Variants in FAM135A observed in about 807,000 individuals in gnomAD.
The protein encoded by FAM135A is family with sequence similarity 135 member A, also known as protein FAM135A.
In FAM135A, 79 loss-of-function variants were observed where a neutral mutation model predicts 146.8. The observed-to-expected ratio is 0.54, with a 90% CI of 0.45 to 0.65. FAM135A has a LOEUF of 0.65. Among genes scored for constraint, FAM135A ranks in the 30% least tolerant of loss-of-function variants. The pLI is 0.00. For synonymous variants in FAM135A, 562 were observed against 603.6 expected (o/e 0.93, Z 1.01); for missense variants, 1,623 against 1,758.2 (o/e 0.92, Z 1.38).
At chr6:70,522,457 C>A in intron 12 of FAM135A, 56 bp from the exon 13 acceptor site, 1 of 1,494,522 alleles carries the variant, frequency 6.7e-7, no homozygotes, top group Middle Eastern at 1.7e-4. Context: ...CATAAGATGC[C>A]GGATTGACTT....
intron 5 of FAM135A, among the ~76,000 whole-genome samples, chr6:70,470,653 A>C (rs1279304820): frequency 2.0e-5 from 3 of 152,200 alleles, no homozygotes; most frequent in African/African-American, 7.2e-5. Flanking sequence ...CACTGCACCC[A>C]GTCCCTACTA....
intron 4 of FAM135A, among the ~76,000 whole-genome samples, chr6:70,446,464 A>G (rs1178196480): frequency 2.0e-5 from 3 of 152,166 alleles, no homozygotes; most frequent in African/African-American, 4.8e-5. Context: ...TCAATCAATA[A>G]TGATTCCATA....
In FAM135A at chr6:70,560,569, C is replaced by T. The variant is rs1801727062; in HGVS notation, c.*648C>T. The T allele has an allele frequency of 6.6e-6, 1 of 152,510 alleles. No individual in the cohort carries two copies. Among genetic ancestry groups the T allele is most frequent in the African/African-American group, 2.4e-5 (1 of 41,450 alleles). 9.4% of individuals were successfully genotyped at this position (152,510 alleles called of 1,614,324 possible). The stretch of plus-strand genomic sequence containing the variant: ...TACTGGTGATTTCAACATTATTTCT[C>T]ATACTGACTTTTATTACTGGAAATG... On this transcript the variant is annotated 3_prime_UTR_variant, in exon 22 of 22. Transcript: ENST00000418814.
chr6:70,552,465 C>CT (rs35509125), intron 20 of FAM135A, among the ~76,000 whole-genome samples: 972 of 96,800 alleles, frequency 0.01, 12 homozygotes, highest in African/African-American at 0.017. Context: ...GTTGAAGATT[C>CT]TTTTTTTTTT....
intron 20 of FAM135A, among the ~76,000 whole-genome samples, chr6:70,548,095 G>A (rs765117041): frequency 6.6e-6 from 1 of 152,186 alleles, no homozygotes; most frequent in Non-Finnish European, 1.5e-5. Context: ...CTCAGATGAA[G>A]TACTGCTGTA....
At chr6:70,448,688 C>T (rs191764281) in intron 4 of FAM135A, among the ~76,000 whole-genome samples, 9 of 152,058 alleles carry the variant, frequency 5.9e-5, no homozygotes, top group South Asian at 2.1e-4. Flanking sequence ...GATTTACCCG[C>T]GTATTTATTA....
chr6:70,486,799 A>G (rs1784744711), intron 10 of FAM135A, among the ~76,000 whole-genome samples: 1 of 152,084 alleles, frequency 6.6e-6, no homozygotes, highest in Admixed American at 6.6e-5. Context: ...GTGGTGGCGC[A>G]TGTCTGTAAT....
intron 4 of FAM135A, among the ~76,000 whole-genome samples, chr6:70,438,315 AGTT>A (rs1773688381): frequency 6.6e-6 from 1 of 152,250 alleles, no homozygotes; most frequent in Non-Finnish European, 1.5e-5. Flanking sequence ...TCCCTTAAGT[AGTT>A]TTACTTTCTG....
intron 11 of FAM135A, among the ~76,000 whole-genome samples, chr6:70,494,053 C>CAA (rs35693076): frequency 3.4e-4 from 28 of 81,816 alleles, no homozygotes; most frequent in East Asian, 1.8e-3. Flanking sequence ...GACTCTGTCT[C>CAA]AAAAAAAAAA....
chr6:70,483,989 A>G (rs745939764), intron 10 of FAM135A, among the ~76,000 whole-genome samples: 3 of 152,212 alleles, frequency 2.0e-5, no homozygotes, highest in Non-Finnish European at 4.4e-5. Flanking sequence ...CAGATGTGGT[A>G]CATGTGTCAG....
intron 12 of FAM135A, among the ~76,000 whole-genome samples, chr6:70,518,265 C>G (rs1664142016): frequency 6.6e-6 from 1 of 152,044 alleles, no homozygotes; most frequent in Non-Finnish European, 1.5e-5. Context: ...GCCTAATCCA[C>G]AGCAGGGTCC....
rs965624451 is a variant in FAM135A at position 70,448,143 on chromosome 6, G to C, written c.78-4349G>C. Reference sequence around the variant, plus strand: ...GGTTATTCAAGGCGCTGCTTGAACAGTCACTGAGGCAACTACTTTTCGCCC... The same window carrying C: ...GGTTATTCAAGGCGCTGCTTGAACACTCACTGAGGCAACTACTTTTCGCCC... On this transcript the variant is annotated intron_variant, in intron 4 of 21. Coordinates refer to ENST00000418814, the MANE Select transcript of FAM135A (RefSeq NM_001162529.3). Among the ~76,000 whole-genome samples the C allele has an allele frequency of 3.3e-5, 5 of 152,176 alleles. No individual in the cohort carries two copies. In the East Asian group the frequency reaches 9.6e-4, roughly 29 times the overall value.
intron 18 of FAM135A, among the ~76,000 whole-genome samples, chr6:70,534,366 C>T (rs889256530): frequency 1.5e-5 from 2 of 132,420 alleles, no homozygotes; most frequent in Non-Finnish European, 3.0e-5. Flanking sequence ...GTCACCCAGG[C>T]TAGAGAGCAG....
At chr6:70,476,244 A>G (rs535060694) in intron 7 of FAM135A, among the ~76,000 whole-genome samples, 7 of 152,204 alleles carry the variant, frequency 4.6e-5, no homozygotes, top group Non-Finnish European at 1.0e-4. Context: ...CATATGTTTT[A>G]GGAACAAATT....
chr6:70,488,317 G>GA (rs1785125333), intron 10 of FAM135A, among the ~76,000 whole-genome samples: 1 of 151,804 alleles, frequency 6.6e-6, no homozygotes, highest in African/African-American at 2.4e-5. Flanking sequence ...AATGCTGAGA[G>GA]AAAAAAAGCA....
At chr6:70,452,424 G>A in intron 4 of FAM135A, 68 bp from the exon 5 acceptor site, 2 of 1,106,428 alleles carry the variant, frequency 1.8e-6, no homozygotes, top group Non-Finnish European at 1.3e-6. Flanking sequence ...GGATACAAAT[G>A]TGGAAGTCGG....
At chr6:70,482,683 C>T (rs577931830) in intron 10 of FAM135A, among the ~76,000 whole-genome samples, 2 of 152,052 alleles carry the variant, frequency 1.3e-5, no homozygotes, top group Non-Finnish European at 2.9e-5. Flanking sequence ...CTTCAGGTTT[C>T]ATTCAAAAGT....
At chr6:70,556,197 C>T (rs1582938508) in intron 20 of FAM135A, among the ~76,000 whole-genome samples, 1 of 151,678 alleles carries the variant, frequency 6.6e-6, no homozygotes. Context: ...TGCAGTGAGC[C>T]GAGATTGCAC....
chr6:70,426,848 T>C (rs1057259921), intron 3 of FAM135A: 3 of 152,224 alleles, frequency 2.0e-5, no homozygotes, highest in African/African-American at 7.2e-5. Context: ...TGCCTGACTT[T>C]TTTCCTGGAG....
Sources: gnomAD v4.1 joint callset for allele counts (sites outside exome capture counted in the v4.1 genomes callset) on GRCh38, gnomAD v4.1.1 for gene constraint, MANE v1.5 for transcripts, NCBI Gene and HGNC (gene_info 2026-07-23, HGNC 2026-07-21) for gene names.